BLOC1S1: variants seen among roughly 807,000 people sequenced by gnomAD.
BLOC1S1 encodes the protein biogenesis of lysosome-related organelles complex 1 subunit 1.
BLOC1S1 carries 11 observed loss-of-function variants against 19.0 expected under a neutral mutation model. That is an observed-to-expected ratio of 0.58 (90% confidence interval 0.37 to 0.96). BLOC1S1 has a LOEUF of 0.96. BLOC1S1 is among the 40% of genes least tolerant of loss of function. The probability of loss-of-function intolerance (pLI) is 0.01; values close to 1 mark genes in which losing one functional copy is unlikely to be tolerated. For missense variants in BLOC1S1, 220 were observed against 195.9 expected, an observed-to-expected ratio of 1.12 and a Z score of -0.73; for synonymous variants, 94 against 76.4, an observed-to-expected ratio of 1.23 and a Z score of -1.20.
At chr12:55,716,612 CG>C in intron 1 of BLOC1S1, 8 of 1,224,276 alleles carry the variant, frequency 6.5e-6, no homozygotes, top group Non-Finnish European at 8.2e-6. Flanking sequence ...TTCCTGAGTC[CG>C]GGCTGGAAAT....
rs562566194 is a variant in BLOC1S1, at chr12:55,716,707, G to A, written c.146-226G>A. 4.2e-4 allele frequency: 549 copies of A among 1,309,002 alleles called. 1 individual carries two copies. Among genetic ancestry groups the A allele is most frequent in the Non-Finnish European group, 4.9e-4 (501 of 1,032,540 alleles). 81.1% of individuals were successfully genotyped at this position (1,309,002 alleles called of 1,614,324 possible). ...TCCTGGGCGCTGCCGCTGACTTCCTGGCGTCCCTGAGTGAGTCCATTTCCC... is the reference window on the plus strand; with the variant it reads ...TCCTGGGCGCTGCCGCTGACTTCCTAGCGTCCCTGAGTGAGTCCATTTCCC... On this transcript the variant is annotated intron_variant, in intron 1 of 3. Coordinates refer to ENST00000548925, the MANE Select transcript of BLOC1S1 (RefSeq NM_001487.4).
intron 2 of BLOC1S1, 22 bp downstream of exon 2, chr12:55,717,027 C>T: frequency 6.4e-7 from 1 of 1,550,854 alleles, no homozygotes; most frequent in Non-Finnish European, 8.7e-7. Context: ...TTATCAACAT[C>T]AGTTTCCTCC....
At chr12:55,719,265 C>A in intron 3 of BLOC1S1, 42 bp downstream of exon 3, 1 of 1,613,986 alleles carries the variant, frequency 6.2e-7, no homozygotes, top group Non-Finnish European at 8.5e-7. Context: ...TCCTGGGCCC[C>A]CATTGGCTGC....
In BLOC1S1 at chr12:55,719,082, A is replaced by ACCC; in HGVS notation, c.219-5_219-3dup. On this transcript the variant is annotated splice_polypyrimidine_tract_variant and intron_variant, in intron 2 of 3. Coordinates refer to ENST00000548925, the MANE Select transcript of BLOC1S1 (RefSeq NM_001487.4). ...TGGAGCTGATCTCCTCCCTCCTCCA[A>ACCC]CCCCCCAGTGTGGCCCAGGCCTACA... 1 of 1,612,226 alleles carries ACCC rather than the reference A, an allele frequency of 6.2e-7. No homozygotes were observed. The highest frequency in any genetic ancestry group is 8.5e-7 in the Non-Finnish European group (1 of 1,179,098).
intron 2 of BLOC1S1, among the ~76,000 whole-genome samples, chr12:55,718,683 C>T (rs187879391): frequency 1.2e-4 from 19 of 152,252 alleles, no homozygotes; most frequent in African/African-American, 4.3e-4. Context: ...TTTCCCTCTC[C>T]AACTTCTTGC....
At chr12:55,717,097 G>T (rs1876617435) in intron 2 of BLOC1S1, 92 bp downstream of exon 2, 1 of 1,063,092 alleles carries the variant, frequency 9.4e-7, no homozygotes, top group Non-Finnish European at 1.3e-6. Context: ...GCTGTTGAAG[G>T]GGTGGGATGT....
chr12:55,717,483 T>C (rs1876656511), intron 2 of BLOC1S1, among the ~76,000 whole-genome samples: 1 of 152,152 alleles, frequency 6.6e-6, no homozygotes, highest in Non-Finnish European at 1.5e-5. Context: ...GGCTGTCTCT[T>C]ACCTTCCTAT....
chr12:55,719,016 C>A, intron 2 of BLOC1S1, 75 bp from the exon 3 acceptor site: 1 of 1,537,834 alleles, frequency 6.5e-7, no homozygotes, highest in Non-Finnish European at 8.8e-7. Context: ...ACTCCCACTG[C>A]TGCAATGGAA....
chr12:55,716,490 C>G (rs758772712), intron 1 of BLOC1S1: 1 of 1,280,580 alleles, frequency 7.8e-7, no homozygotes, highest in Non-Finnish European at 9.9e-7. Flanking sequence ...CTGGGAGCCT[C>G]TCGTCCTGGC....
At position 55,718,342 on chromosome 12, in the gene BLOC1S1, A is replaced by G. The variant is rs1018795497; in HGVS notation, c.219-749A>G. Among the ~76,000 whole-genome samples the G allele has an allele frequency of 3.9e-5, 6 of 152,326 alleles. 1 individual carries two copies. The South Asian group carries it at 1.0e-3, about 26-fold the overall frequency. On this transcript the variant is annotated intron_variant, in intron 2 of 3. Transcript: ENST00000548925. ...TGGGAAGTGAAAAATTCAACAGCCA[A>G]TAAAGGAGAACAATTATTGCAGGGG... is the stretch of plus-strand genomic sequence containing the variant.
At chr12:55,717,301 C>T (rs886983282) in intron 2 of BLOC1S1, among the ~76,000 whole-genome samples, 3 of 152,192 alleles carry the variant, frequency 2.0e-5, no homozygotes, top group Admixed American at 1.3e-4. Context: ...TTCACCCTTC[C>T]AAGTCCAGCT....
intron 1 of BLOC1S1, chr12:55,716,447 C>CGCCCCT (rs1876538938): frequency 1.5e-6 from 2 of 1,348,484 alleles, no homozygotes; most frequent in African/African-American, 1.5e-5. Flanking sequence ...ACCTTAGCCC[C>CGCCCCT]GCCCCTGCCC....
In BLOC1S1 at chr12:55,719,242, C is replaced by G; in HGVS notation, c.351+19C>G. On this transcript the variant is annotated intron_variant, in intron 3 of 3. Coordinates refer to ENST00000548925, the MANE Select transcript of BLOC1S1 (RefSeq NM_001487.4). The stretch of plus-strand genomic sequence containing the variant: ...ACTCAAGGTGGGCCATACTCCCTAC[C>G]TCACCACCCCAATCCTGGGCCCCCA... 1 of 1,614,104 alleles carries G rather than the reference C, an allele frequency of 6.2e-7. No individual in the cohort carries two copies. Among genetic ancestry groups the G allele is most frequent in the Non-Finnish European group, 8.5e-7 (1 of 1,180,018 alleles).
At chr12:55,716,352 A>T in intron 1 of BLOC1S1, 156 bp downstream of exon 1, 1 of 1,464,660 alleles carries the variant, frequency 6.8e-7, no homozygotes. Context: ...CTTTTTTTGA[A>T]ACTCCTTTCC....
At position 55,716,086 on chromosome 12, in the gene BLOC1S1, T is replaced by A. The variant is rs746666462; in HGVS notation, c.35T>A (p.Phe12Tyr). 6.3e-7 allele frequency: 1 copy of A among 1,582,286 alleles called. No individual in the cohort carries two copies. Among genetic ancestry groups the A allele is most frequent in the Admixed American group, 1.8e-5 (1 of 54,816 alleles). The change falls in exon 1 of 4, where the codon TTC becomes TAC. Residue 12 changes from phenylalanine (F) to tyrosine (Y), a missense_variant. By Grantham distance (22) the Phe-to-Tyr change is conservative. Coordinates refer to ENST00000548925, the MANE Select transcript of BLOC1S1 (RefSeq NM_001487.4). The part of the protein sequence containing the change: ...APGSRGERSS[F>Y]RSRRGPGVPS... ...GGGAGCCGAGGTGAGCGTTCCAGCT[T>A]CCGGAGCCGGAGGGGGCCCGGCGTA...
chr12:55,716,518 C>G, intron 1 of BLOC1S1: 1 of 1,251,550 alleles, frequency 8.0e-7, no homozygotes, highest in Middle Eastern at 3.1e-4. Context: ...AGGAGCGACT[C>G]TGGAGGGAGG....
intron 1 of BLOC1S1, 182 bp downstream of exon 1, chr12:55,716,378 C>G (rs1876527266): frequency 1.4e-6 from 2 of 1,429,888 alleles, no homozygotes; most frequent in African/African-American, 1.5e-5. Context: ...CAACTGGCTC[C>G]GGTCCCTTGG....
chr12:55,716,073 G>C lies in BLOC1S1; in HGVS notation c.22G>C (p.Glu8Gln). Residue 8 changes from glutamate (E) to glutamine (Q), a missense_variant, in exon 1 of 4, where the codon GAG becomes CAG. Coordinates refer to ENST00000548925, the MANE Select transcript of BLOC1S1 (RefSeq NM_001487.4). The stretch of plus-strand genomic sequence containing the variant: ...TGACATGGCCCCGGGGAGCCGAGGT[G>C]AGCGTTCCAGCTTCCGGAGCCGGAG... MAPGSRG[E>Q]RSSFRSRRGP... The C allele has an allele frequency of 6.4e-7, 1 of 1,570,834 alleles. No individual in the cohort carries two copies. Among genetic ancestry groups the C allele is most frequent in the South Asian group, 1.2e-5 (1 of 86,140 alleles).
intron 1 of BLOC1S1, chr12:55,716,409 G>A: frequency 7.2e-7 from 1 of 1,386,864 alleles, no homozygotes. Context: ...GGTCCCCTCG[G>A]CAACGCCCCC....
Sources: allele counts gnomAD v4.1 joint callset (sites outside exome capture counted in the v4.1 genomes callset), GRCh38; gene constraint gnomAD v4.1.1; transcripts MANE v1.5; gene names NCBI Gene and HGNC (gene_info 2026-07-23, HGNC 2026-07-21).